Variants in BNIP2 observed in about 807,000 individuals in gnomAD.
The protein encoded by BNIP2 is BCL2/adenovirus E1B 19 kDa protein-interacting protein 2.
Under a neutral mutation model 43.4 loss-of-function variants are expected in BNIP2, and 36 were observed. The observed-to-expected ratio is 0.83, with a 90% CI of 0.64 to 1.10. The LOEUF is 1.10. Ranked by LOEUF, BNIP2 falls within the 50% of genes least tolerant of loss-of-function variation. BNIP2 has a pLI of 0.00. For synonymous variants in BNIP2, 146 were observed against 121.0 expected (o/e 1.21, Z -1.35); for missense variants, 417 against 374.1 (o/e 1.11, Z -0.95).
At chr15:59,676,479 G>A (rs776892183) in intron 5 of BNIP2, among the ~76,000 whole-genome samples, 5 of 151,946 alleles carry the variant, frequency 3.3e-5, no homozygotes, top group Admixed American at 6.6e-5. Context: ...CTGAGCCACC[G>A]TGCCCAACCT....
In BNIP2 at chr15:59,677,785, G is replaced by A. The variant is rs148090983; in HGVS notation, c.472+126C>T. On this transcript the variant is annotated intron_variant, in intron 5 of 9. Transcript: ENST00000607373. ...GGAAGAAATGTCCTACAAAAGACGA[G>A]TCTCTCAACCTAGCGCCTGTGTTCT... is the stretch of plus-strand genomic sequence containing the variant. 32 of 1,254,608 alleles carry A rather than the reference G, an allele frequency of 2.6e-5. No individual in the cohort carries two copies. The Admixed American group carries it at 9.4e-4, about 37-fold the overall frequency. The allele number at this position is 1,254,608 out of a possible 1,614,324, so 77.7% of individuals were successfully genotyped here.
intron 5 of BNIP2, among the ~76,000 whole-genome samples, chr15:59,676,113 A>C (rs181653441): frequency 3.0e-4 from 45 of 152,204 alleles, no homozygotes; most frequent in Non-Finnish European, 5.6e-4. Context: ...TTCACTGTTT[A>C]TAAATTAGGG....
intron 4 of BNIP2, chr15:59,678,608 T>C: frequency 1.8e-6 from 2 of 1,135,758 alleles, no homozygotes; most frequent in Non-Finnish European, 2.2e-6. Context: ...CTTTGAAGTA[T>C]ACATGCAGAA....
rs565371863 is a variant in BNIP2, at chr15:59,680,180, C to T, written c.118+61G>A. On this transcript the variant is annotated intron_variant, in intron 3 of 9. Transcript: ENST00000607373. ...TTTTTTTTTTTTTTGGACAAAGAAACGTGTTTTAAAAAATAACACAAAGTC... is the reference window on the plus strand; with the variant it reads ...TTTTTTTTTTTTTTGGACAAAGAAATGTGTTTTAAAAAATAACACAAAGTC... 59 of 1,153,160 alleles carry T rather than the reference C, an allele frequency of 5.1e-5. No homozygotes were observed. The Middle Eastern group carries it at 9.5e-4, about 19-fold the overall frequency. The allele number at this position is 1,153,160 out of a possible 1,614,324, so 71.4% of individuals were successfully genotyped here.
chr15:59,670,180 A>G (rs1469763267), intron 7 of BNIP2, among the ~76,000 whole-genome samples: 1 of 152,260 alleles, frequency 6.6e-6, no homozygotes, highest in East Asian at 1.9e-4. Context: ...CTGTAATCCT[A>G]GCACTTTGGG....
chr15:59,667,886 T>C (rs1253905916), intron 9 of BNIP2, among the ~76,000 whole-genome samples: 4 of 152,240 alleles, frequency 2.6e-5, no homozygotes, highest in South Asian at 2.1e-4. Flanking sequence ...TGGTTTTTAA[T>C]TGCTAATTGG....
chr15:59,680,363 G>C, intron 2 of BNIP2, 55 bp from the exon 3 acceptor site: 1 of 1,312,094 alleles, frequency 7.6e-7, no homozygotes, highest in Non-Finnish European at 1.0e-6. Flanking sequence ...ATTTTTTTTT[G>C]AAGTTCAATC....
At chr15:59,665,582 CCTG>C (rs1200141148) in intron 9 of BNIP2, 1 of 152,180 alleles carries the variant, frequency 6.6e-6, no homozygotes, top group African/African-American at 2.4e-5. Context: ...TGCACTCCAG[CCTG>C]GGTGACAGAG....
At chr15:59,668,114 C>T (rs971137678) in intron 9 of BNIP2, 1 of 1,296,720 alleles carries the variant, frequency 7.7e-7, no homozygotes, top group Non-Finnish European at 1.0e-6. Flanking sequence ...TTTTTTGTTT[C>T]TTTTTAAACT....
intron 4 of BNIP2, chr15:59,678,375 A>G (rs1893445712): frequency 1.5e-5 from 17 of 1,125,700 alleles, no homozygotes; most frequent in Non-Finnish European, 1.7e-5. Flanking sequence ...TAGAGTCATC[A>G]AAATCTTAGT....
intron 1 of BNIP2, chr15:59,688,441 A>G: frequency 3.2e-6 from 1 of 309,160 alleles, no homozygotes; most frequent in Non-Finnish European, 6.1e-6. Flanking sequence ...AGTTTATTCA[A>G]TTAAATAAAT....
At chr15:59,676,274 C>T (rs372177420) in intron 5 of BNIP2, among the ~76,000 whole-genome samples, 3 of 152,290 alleles carry the variant, frequency 2.0e-5, no homozygotes, top group South Asian at 2.1e-4. Flanking sequence ...AGCTCAAGCT[C>T]TCTCTCCTCC....
chr15:59,681,060 G>A (rs1321138508), intron 2 of BNIP2, among the ~76,000 whole-genome samples: 1 of 152,166 alleles, frequency 6.6e-6, no homozygotes, highest in Non-Finnish European at 1.5e-5. Flanking sequence ...CAAATATAAT[G>A]TGATGTATGA....
At chr15:59,665,436 T>G (rs1359015708) in intron 9 of BNIP2, 2 of 152,648 alleles carry the variant, frequency 1.3e-5, no homozygotes, top group Non-Finnish European at 2.9e-5. Context: ...ATGGCAAAAC[T>G]CCGTCTCTAC....
At chr15:59,676,083 C>T (rs530612323) in intron 5 of BNIP2, among the ~76,000 whole-genome samples, 1 of 152,298 alleles carries the variant, frequency 6.6e-6, no homozygotes, top group South Asian at 2.1e-4. Context: ...CATTGAACTG[C>T]ACACTTAAGA....
intron 3 of BNIP2, among the ~76,000 whole-genome samples, chr15:59,680,019 T>A (rs1166888997): frequency 4.6e-5 from 7 of 152,140 alleles, no homozygotes; most frequent in South Asian, 2.1e-4. Context: ...CTAAAAATGA[T>A]CTCCTCCACC....
chr15:59,668,783 C>T (rs746042261), intron 9 of BNIP2, 109 bp downstream of exon 9: 38 of 1,003,566 alleles, frequency 3.8e-5, no homozygotes, highest in Middle Eastern at 2.5e-4. Context: ...CGCGCGCGCG[C>T]GCACAGTTAT....
chr15:59,671,406 C>T (rs1470981282), intron 6 of BNIP2, 92 bp from the exon 7 acceptor site: 5 of 1,143,368 alleles, frequency 4.4e-6, no homozygotes, highest in East Asian at 2.7e-5. Flanking sequence ...ATTCCTTCCT[C>T]TCTCCTACAA....
rs991118109 is a variant in BNIP2, at chr15:59,661,991, T to C, written c.*2078A>G. ...TCACTGTTGTCTCTGAATTTTAATG[T>C]TTAACAGAATAGTCTTCTACTTTTA... On this transcript the variant is annotated 3_prime_UTR_variant, in exon 10 of 10. Transcript: ENST00000607373. 11 of 152,206 alleles carry C rather than the reference T, an allele frequency of 7.2e-5. No individual in the cohort carries two copies. Among genetic ancestry groups the C allele is most frequent in the Non-Finnish European group, 1.5e-4 (10 of 68,038 alleles). 9.4% of individuals were successfully genotyped at this position (152,206 alleles called of 1,614,324 possible).
Sources: allele counts gnomAD v4.1 joint callset (sites outside exome capture counted in the v4.1 genomes callset), GRCh38; gene constraint gnomAD v4.1.1; transcripts MANE v1.5; gene names NCBI Gene and HGNC (gene_info 2026-07-23, HGNC 2026-07-21).